Variants in FAM110B observed in about 807,000 individuals in gnomAD.
FAM110B encodes protein FAM110B.
In FAM110B, 6 loss-of-function variants were observed where a neutral mutation model predicts 20.4. That is an observed-to-expected ratio of 0.29 (90% confidence interval 0.16 to 0.58). FAM110B has a LOEUF of 0.58. Ranked by LOEUF, FAM110B falls within the 20% of genes least tolerant of loss-of-function variation. FAM110B has a pLI of 0.90. For synonymous variants in FAM110B, 226 were observed against 214.1 expected, an observed-to-expected ratio of 1.06 and a Z score of -0.49; for missense variants, 434 against 498.2, an observed-to-expected ratio of 0.87 and a Z score of 1.23.
At chr8:58,134,629 G>A (rs776686101) in intron 3 of FAM110B, among the ~76,000 whole-genome samples, 6 of 152,324 alleles carry the variant, frequency 3.9e-5, no homozygotes, top group Non-Finnish European at 7.3e-5. Context: ...AAAAATAGCA[G>A]TAAAATTAGG....
chr8:58,082,842 T>TTG (rs201603560), intron 3 of FAM110B, among the ~76,000 whole-genome samples: 7,641 of 140,630 alleles, frequency 0.054, 635 homozygotes, highest in African/African-American at 0.23. Flanking sequence ...TTTTTGTTTT[T>TTG]TTTTGTTTTT....
At chr8:58,053,072 A>G (rs1333303568) in intron 2 of FAM110B, among the ~76,000 whole-genome samples, 4 of 151,526 alleles carry the variant, frequency 2.6e-5, no homozygotes, top group African/African-American at 9.7e-5. Flanking sequence ...GGCGTGAGCC[A>G]CCGCGCCCGG....
In FAM110B at chr8:58,075,614, C is replaced by A. The variant is rs1806019011; in HGVS notation, c.-334C>A. On this transcript the variant is annotated 5_prime_UTR_variant, in exon 3 of 4. Transcript: ENST00000519262. The stretch of plus-strand genomic sequence containing the variant: ...GCCTACCATCCATAAAATACTCATT[C>A]CCCTCTCAGGTAAGCATATTGCTTT... 6.6e-6 allele frequency: 1 copy of A among 152,128 alleles called. No individual in the cohort carries two copies. 9.4% of individuals were successfully genotyped at this position (152,128 alleles called of 1,614,324 possible). A position where few individuals can be genotyped will look rare whatever the true frequency, so the allele number is the denominator to read the frequency against.
At chr8:58,019,441 G>T (rs1019002258) in intron 1 of FAM110B, among the ~76,000 whole-genome samples, 1 of 151,398 alleles carries the variant, frequency 6.6e-6, no homozygotes. Flanking sequence ...GCCATTTCTT[G>T]TGTGCTTCAT....
At chr8:58,047,410 T>G (rs1408147792) in intron 2 of FAM110B, among the ~76,000 whole-genome samples, 1 of 152,030 alleles carries the variant, frequency 6.6e-6, no homozygotes, top group African/African-American at 2.4e-5. Flanking sequence ...ACTATAGAGA[T>G]ATGTGATCTA....
intron 2 of FAM110B, among the ~76,000 whole-genome samples, chr8:58,067,248 C>T (rs1030140362): frequency 2.6e-5 from 4 of 152,168 alleles, no homozygotes; most frequent in South Asian, 4.1e-4. Context: ...ATGAGGCAGA[C>T]GGTTTCTGTA....
At chr8:58,048,773 C>G (rs981009029) in intron 2 of FAM110B, among the ~76,000 whole-genome samples, 9 of 152,144 alleles carry the variant, frequency 5.9e-5, no homozygotes, top group African/African-American at 2.2e-4. Context: ...TTTTGCATTC[C>G]TGACTTTGTT....
chr8:58,019,655 A>T (rs189033081), intron 1 of FAM110B, among the ~76,000 whole-genome samples: 1 of 152,172 alleles, frequency 6.6e-6, no homozygotes, highest in East Asian at 1.9e-4. Flanking sequence ...TTCTTGCAGC[A>T]TTGTAAATAT....
intron 1 of FAM110B, among the ~76,000 whole-genome samples, chr8:58,024,503 C>G (rs1804816878): frequency 6.6e-6 from 1 of 152,138 alleles, no homozygotes; most frequent in Non-Finnish European, 1.5e-5. Flanking sequence ...ATTTTGTTGA[C>G]ATACATTCCT....
At chr8:58,073,965 C>G (rs1423910468) in intron 2 of FAM110B, among the ~76,000 whole-genome samples, 1 of 152,194 alleles carries the variant, frequency 6.6e-6, no homozygotes, top group African/African-American at 2.4e-5. Context: ...TACCTGGAAA[C>G]AGATCTTGCA....
intron 1 of FAM110B, among the ~76,000 whole-genome samples, chr8:58,028,648 T>C (rs764813976): frequency 7.2e-5 from 11 of 152,182 alleles, no homozygotes; most frequent in Admixed American, 2.6e-4. Context: ...TAAAAAGAAA[T>C]ATAAGGAAAA....
chr8:58,088,562 C>G (rs1295540102), intron 3 of FAM110B, among the ~76,000 whole-genome samples: 1 of 152,060 alleles, frequency 6.6e-6, no homozygotes, highest in Non-Finnish European at 1.5e-5. Context: ...TTTAACAAAC[C>G]AAATTATATT....
At chr8:58,044,139 C>A (rs529703509) in intron 2 of FAM110B, among the ~76,000 whole-genome samples, 2 of 152,300 alleles carry the variant, frequency 1.3e-5, no homozygotes, top group South Asian at 4.1e-4. Flanking sequence ...TTGTGAATTA[C>A]TTTCTAGAGC....
At chr8:58,143,819 A>T (rs1803795375) in intron 3 of FAM110B, among the ~76,000 whole-genome samples, 1 of 152,170 alleles carries the variant, frequency 6.6e-6, no homozygotes, top group African/African-American at 2.4e-5. Flanking sequence ...AGAAGAGAAG[A>T]TGGTTAGAAG....
chr8:58,119,076 G>A (rs1174828599), intron 3 of FAM110B, among the ~76,000 whole-genome samples: 3 of 152,200 alleles, frequency 2.0e-5, no homozygotes, highest in Admixed American at 1.3e-4. Context: ...TACTGGAGGT[G>A]GCTGGACTGA....
chr8:58,122,431 ATTG>A (rs1428000351), intron 3 of FAM110B, among the ~76,000 whole-genome samples: 1 of 152,082 alleles, frequency 6.6e-6, no homozygotes, highest in African/African-American at 2.4e-5. Context: ...CTTGCTTATA[ATTG>A]TTATTACTTG....
At chr8:58,023,869 A>G (rs1330326619) in intron 1 of FAM110B, among the ~76,000 whole-genome samples, 6 of 152,220 alleles carry the variant, frequency 3.9e-5, no homozygotes, top group Non-Finnish European at 8.8e-5. Context: ...TACCATTTTT[A>G]GGAGTGTTAA....
chr8:58,087,975 G>A (rs996768625), intron 3 of FAM110B, among the ~76,000 whole-genome samples: 2 of 152,130 alleles, frequency 1.3e-5, no homozygotes, highest in Non-Finnish European at 2.9e-5. Context: ...AATGTTATCT[G>A]TTGGGTGAAT....
chr8:58,097,772 G>A (rs1806670554), intron 3 of FAM110B, among the ~76,000 whole-genome samples: 1 of 152,186 alleles, frequency 6.6e-6, no homozygotes, highest in South Asian at 2.1e-4. Context: ...GTTCTTTTCT[G>A]TTTGTTAGTT....
Sources: gnomAD v4.1 joint callset for allele counts (sites outside exome capture counted in the v4.1 genomes callset) on GRCh38, gnomAD v4.1.1 for gene constraint, MANE v1.5 for transcripts, NCBI Gene and HGNC (gene_info 2026-07-23, HGNC 2026-07-21) for gene names.